The following DLGAP2 variants were observed in gnomAD, a reference collection of about 807,000 sequenced individuals.
DLGAP2 encodes the protein DLG associated protein 2.
A neutral mutation model predicts 100.3 loss-of-function variants in DLGAP2; 26 were observed. The ratio of observed to expected loss-of-function variants is 0.26; its 90% CI spans 0.19 to 0.36. The LOEUF is 0.36. Ranked by LOEUF, DLGAP2 falls within the 10% of genes least tolerant of loss-of-function variation. DLGAP2 has a pLI of 1.00. For missense variants in DLGAP2, 1,858 were observed against 1,453.2 expected (o/e 1.28, Z -4.53); for synonymous variants, 886 against 630.1 (o/e 1.41, Z -6.08).
At chr8:1,070,816 G>A (rs1803405302) in intron 2 of DLGAP2, among the ~76,000 whole-genome samples, 1 of 152,188 alleles carries the variant, frequency 6.6e-6, no homozygotes, top group South Asian at 2.1e-4. Flanking sequence ...GAGGCCGTCT[G>A]CGTATTCTGA....
At chr8:1,555,798 C>A (rs192206928) in intron 5 of DLGAP2, among the ~76,000 whole-genome samples, 1 of 152,346 alleles carries the variant, frequency 6.6e-6, no homozygotes, top group East Asian at 1.9e-4. Flanking sequence ...ACGGAAATTC[C>A]AGCAATGTTT....
intron 2 of DLGAP2, among the ~76,000 whole-genome samples, chr8:1,247,272 AGATGGTCCACATCGG>A (rs1798931154): frequency 2.3e-5 from 1 of 44,142 alleles, no homozygotes; most frequent in Non-Finnish European, 4.1e-5. Flanking sequence ...TGTGGGAGTG[AGATGGTCCACATCGG>A]TGGCTGGGAA....
At chr8:746,526 T>C (rs1448565000) in intron 1 of DLGAP2, among the ~76,000 whole-genome samples, 4 of 152,130 alleles carry the variant, frequency 2.6e-5, no homozygotes, top group South Asian at 4.1e-4. Flanking sequence ...AGAAGATCTG[T>C]GGGATAGAGG....
At chr8:748,184 CTGCGGTGGGATGGGGGG>C (rs1820696706) in intron 1 of DLGAP2, among the ~76,000 whole-genome samples, 1 of 66,624 alleles carries the variant, frequency 1.5e-5, no homozygotes, top group Non-Finnish European at 2.8e-5. Context: ...ATGGGCGGGT[CTGCGGTGGGATGGGGGG>C]CTCTGCGGTG....
At chr8:1,334,862 C>G (rs140362175) in intron 3 of DLGAP2, among the ~76,000 whole-genome samples, 1 of 152,166 alleles carries the variant, frequency 6.6e-6, no homozygotes, top group African/African-American at 2.4e-5. Context: ...TCTTGCCTCT[C>G]TCGCCTCTTT....
At chr8:874,055 A>G (rs193128330) in intron 1 of DLGAP2, among the ~76,000 whole-genome samples, 1 of 152,156 alleles carries the variant, frequency 6.6e-6, no homozygotes, top group African/African-American at 2.4e-5. Flanking sequence ...GTCTGTGATG[A>G]TACCCCTCTT....
intron 2 of DLGAP2, among the ~76,000 whole-genome samples, chr8:1,218,477 T>G (rs1271291097): frequency 1.4e-5 from 2 of 147,958 alleles, no homozygotes; most frequent in African/African-American, 5.3e-5. Context: ...GTTGTTGTTG[T>G]TGTTTTATTC....
chr8:897,339 C>T (rs528206131), intron 1 of DLGAP2, among the ~76,000 whole-genome samples: 1 of 152,260 alleles, frequency 6.6e-6, no homozygotes, highest in South Asian at 2.1e-4. Context: ...AGAAGGTGAA[C>T]ACCACGATTG....
At chr8:970,300 G>C (rs757564885) in intron 2 of DLGAP2, among the ~76,000 whole-genome samples, 1 of 152,194 alleles carries the variant, frequency 6.6e-6, no homozygotes, top group Non-Finnish European at 1.5e-5. Context: ...TTATAGGTGT[G>C]TTGACTTTAT....
chr8:896,284 A>T (rs1234590306), intron 1 of DLGAP2, among the ~76,000 whole-genome samples: 1 of 151,834 alleles, frequency 6.6e-6, no homozygotes, highest in African/African-American at 2.4e-5. Flanking sequence ...TTGGATGGGG[A>T]TAATGGATGG....
intron 3 of DLGAP2, among the ~76,000 whole-genome samples, chr8:1,453,571 A>G (rs1381529392): frequency 6.6e-6 from 1 of 152,122 alleles, no homozygotes; most frequent in Non-Finnish European, 1.5e-5. Context: ...GTCATTTGCA[A>G]ACTGAGTTTG....
At chr8:949,213 G>GTCCA (rs1211904556) in intron 2 of DLGAP2, among the ~76,000 whole-genome samples, 1 of 152,178 alleles carries the variant, frequency 6.6e-6, no homozygotes, top group Non-Finnish European at 1.5e-5. Context: ...TGCATCAAGG[G>GTCCA]TCCAGCCTGT....
Position 1,701,498 on chromosome 8 carries a change from C to A in DLGAP2, c.*92C>A. The A allele has an allele frequency of 7.7e-7, 1 of 1,304,734 alleles. No homozygotes were observed. Among genetic ancestry groups the A allele is most frequent in the South Asian group, 1.4e-5 (1 of 70,042 alleles). 80.8% of individuals were successfully genotyped at this position (1,304,734 alleles called of 1,614,324 possible). A position where few individuals can be genotyped will look rare whatever the true frequency, so the allele number is the denominator to read the frequency against. On this transcript the variant is annotated 3_prime_UTR_variant, in exon 15 of 15. Transcript: ENST00000637795. ...CCCTGGTGGTTTCTGTCTCCTCCTC[C>A]CGCTGAACACGTCCTCGCTCCCGCG...
At chr8:889,000 G>A (rs1313610455) in intron 1 of DLGAP2, among the ~76,000 whole-genome samples, 1 of 152,120 alleles carries the variant, frequency 6.6e-6, no homozygotes, top group Non-Finnish European at 1.5e-5. Context: ...ATAGGGGTGG[G>A]GCCATTTTAT....
chr8:1,337,274 A>G (rs1801300014), intron 3 of DLGAP2, among the ~76,000 whole-genome samples: 1 of 138,008 alleles, frequency 7.2e-6, no homozygotes, highest in Non-Finnish European at 1.6e-5. Context: ...GATGAGGATG[A>G]TGGTGGTGGT....
intron 1 of DLGAP2, among the ~76,000 whole-genome samples, chr8:831,207 C>CTTTTTTTTT (rs59545503): frequency 1.6e-5 from 2 of 127,666 alleles, no homozygotes; most frequent in South Asian, 2.7e-4. Context: ...CCAGCAGTCA[C>CTTTTTTTTT]TTTTTTTTTT....
At chr8:1,615,561 G>A (rs1431997984) in intron 6 of DLGAP2, among the ~76,000 whole-genome samples, 2 of 152,006 alleles carry the variant, frequency 1.3e-5, no homozygotes, top group Non-Finnish European at 2.9e-5. Context: ...TCACCGGAAA[G>A]ATCTTTAAAG....
At chr8:1,119,909 A>G (rs1010205172) in intron 2 of DLGAP2, among the ~76,000 whole-genome samples, 1 of 152,140 alleles carries the variant, frequency 6.6e-6, no homozygotes, top group Non-Finnish European at 1.5e-5. Context: ...TTCTCACTAG[A>G]AAGGTTTCCT....
intron 3 of DLGAP2, among the ~76,000 whole-genome samples, chr8:1,268,767 A>G (rs574175533): frequency 2.0e-5 from 3 of 152,326 alleles, no homozygotes; most frequent in East Asian, 1.9e-4. Context: ...ACATTTCCCA[A>G]TTATGCACCT....
Sources: gnomAD v4.1 joint callset for allele counts (sites outside exome capture counted in the v4.1 genomes callset) on GRCh38, gnomAD v4.1.1 for gene constraint, MANE v1.5 for transcripts, NCBI Gene and HGNC (gene_info 2026-07-23, HGNC 2026-07-21) for gene names.